DLGAP2: variants seen among roughly 807,000 people sequenced by gnomAD.
DLGAP2 encodes the protein disks large-associated protein 2.
DLGAP2 carries 26 observed loss-of-function variants against 100.3 expected under a neutral mutation model. The observed-to-expected ratio is 0.26, with a 90% CI of 0.19 to 0.36. The LOEUF is 0.36. Among genes scored for constraint, DLGAP2 ranks in the 10% least tolerant of loss-of-function variants. The pLI is 1.00. For synonymous variants in DLGAP2, 886 were observed against 630.1 expected (o/e 1.41, Z -6.08); for missense variants, 1,858 against 1,453.2 (o/e 1.28, Z -4.53).
At chr8:748,342 T>C (rs1820703410) in intron 1 of DLGAP2, among the ~76,000 whole-genome samples, 1 of 151,894 alleles carries the variant, frequency 6.6e-6, no homozygotes, top group African/African-American at 2.4e-5. Context: ...TCTGGTGCTT[T>C]CTGTCTCTGT....
intron 2 of DLGAP2, among the ~76,000 whole-genome samples, chr8:1,257,531 G>T (rs1280290270): frequency 7.4e-6 from 1 of 135,498 alleles, no homozygotes; most frequent in Non-Finnish European, 1.6e-5. Flanking sequence ...TCGCTCCCCA[G>T]ATTACTATTT....
At chr8:1,413,936 A>G (rs1796804925) in intron 3 of DLGAP2, among the ~76,000 whole-genome samples, 2 of 152,134 alleles carry the variant, frequency 1.3e-5, no homozygotes, top group African/African-American at 4.8e-5. Flanking sequence ...AGAGCTCCAA[A>G]CTCATCGTAA....
At chr8:1,593,640 C>T (rs757792473) in intron 6 of DLGAP2, among the ~76,000 whole-genome samples, 1 of 152,056 alleles carries the variant, frequency 6.6e-6, no homozygotes, top group South Asian at 2.1e-4. Flanking sequence ...CTACCTTCTC[C>T]CAGGGGAGGG....
intron 1 of DLGAP2, among the ~76,000 whole-genome samples, chr8:745,099 T>A (rs1456495550): frequency 6.6e-6 from 1 of 152,242 alleles, no homozygotes; most frequent in East Asian, 1.9e-4. Context: ...CTTCTCCCGC[T>A]GCTTCCGAGT....
intron 3 of DLGAP2, among the ~76,000 whole-genome samples, chr8:1,412,871 GC>G (rs33947536): frequency 0.29 from 43,886 of 151,984 alleles, 6,665 homozygotes; most frequent in African/African-American, 0.38. Flanking sequence ...AGATTACAGT[GC>G]CTCTCGCATG....
chr8:1,257,691 A>T (rs1438365233), intron 2 of DLGAP2, among the ~76,000 whole-genome samples: 1 of 151,276 alleles, frequency 6.6e-6, no homozygotes, highest in South Asian at 2.1e-4. Flanking sequence ...CGTGCAGGCC[A>T]GTGCTGGCGT....
chr8:1,488,301 C>T (rs770778324), intron 3 of DLGAP2, among the ~76,000 whole-genome samples: 36 of 152,262 alleles, frequency 2.4e-4, no homozygotes, highest in Middle Eastern at 3.4e-3. Flanking sequence ...AGCAGGAGGA[C>T]GCAGCGGGGT....
chr8:1,694,452 C>T (rs1449879615), intron 13 of DLGAP2, among the ~76,000 whole-genome samples: 5 of 152,214 alleles, frequency 3.3e-5, no homozygotes, highest in Admixed American at 1.3e-4. Flanking sequence ...CCTTTCGGGA[C>T]GGACCGCGGG....
At chr8:1,693,482 C>A (rs771507774) in intron 13 of DLGAP2, among the ~76,000 whole-genome samples, 1 of 152,054 alleles carries the variant, frequency 6.6e-6, no homozygotes, top group Non-Finnish European at 1.5e-5. Context: ...ATAATACATA[C>A]ATCGATTTCT....
intron 1 of DLGAP2, among the ~76,000 whole-genome samples, chr8:758,831 G>C (rs562890201): frequency 6.6e-6 from 1 of 152,084 alleles, no homozygotes; most frequent in Admixed American, 6.5e-5. Context: ...GAAGTGCTGA[G>C]ATTACAGATG....
chr8:932,912 T>C (rs1008113337), intron 2 of DLGAP2, among the ~76,000 whole-genome samples: 2 of 152,138 alleles, frequency 1.3e-5, no homozygotes, highest in Non-Finnish European at 2.9e-5. Flanking sequence ...AAACATAACT[T>C]CCCCCTTTCC....
intron 3 of DLGAP2, among the ~76,000 whole-genome samples, chr8:1,351,332 TCCTGAGTGTGGAACGGCCGTGC>T (rs1333720024): frequency 1.7e-5 from 1 of 59,030 alleles, no homozygotes; most frequent in Non-Finnish European, 3.3e-5. Context: ...GCCGTGCGGG[TCCTGAGTGTGGAACGGCCGTGC>T]GGGTCCTGAC....
rs148937541 is a variant in DLGAP2, at chr8:1,533,681, A to G, written c.173-14945A>G. On this transcript the variant is annotated intron_variant, in intron 4 of 14. Transcript: ENST00000637795. ...CTGAGTTTCTGTCATCTTAAAACTT[A>G]AAATTAACTTAATTTTCATAAAACT... 2.2e-4 allele frequency among the ~76,000 whole-genome samples: 34 copies of G among 152,350 alleles called. 1 individual carries two copies. The highest frequency in any genetic ancestry group is 5.9e-5 in the Non-Finnish European group (4 of 68,030).
intron 2 of DLGAP2, among the ~76,000 whole-genome samples, chr8:930,133 G>C (rs1227660492): frequency 6.6e-6 from 1 of 152,104 alleles, no homozygotes. Context: ...TGGCGACCCT[G>C]GCCTCTCCTT....
intron 1 of DLGAP2, among the ~76,000 whole-genome samples, chr8:845,972 C>T (rs752886179): frequency 6.6e-6 from 1 of 152,148 alleles, no homozygotes; most frequent in African/African-American, 2.4e-5. Context: ...TGTCCAGAGA[C>T]GTATGAGTTT....
At position 1,185,740 on chromosome 8, in the gene DLGAP2, C is replaced by CAG. The variant is rs1318296890; in HGVS notation, c.74-73110_74-73109insGA. On this transcript the variant is annotated intron_variant, in intron 2 of 14. Coordinates refer to ENST00000637795, the MANE Select transcript of DLGAP2 (RefSeq NM_001346810.2). The stretch of plus-strand genomic sequence containing the variant: ...ACACACACACACTCACACTCACACA[C>CAG]ACACACTCACACACATTCAGGAGAT... 5.7e-5 allele frequency among the ~76,000 whole-genome samples: 6 copies of CAG among 105,304 alleles called. No homozygotes were observed. In the East Asian group the frequency reaches 2.3e-3, roughly 40 times the overall value. The allele number at this position is 105,304 out of a possible 152,430, so 69.1% of individuals were successfully genotyped here.
At chr8:1,121,619 A>G (rs1353133838) in intron 2 of DLGAP2, among the ~76,000 whole-genome samples, 1 of 151,656 alleles carries the variant, frequency 6.6e-6, no homozygotes, top group Non-Finnish European at 1.5e-5. Context: ...ATGACTACCC[A>G]TCTTCATCCC....
At chr8:1,441,282 G>T (rs543506790) in intron 3 of DLGAP2, among the ~76,000 whole-genome samples, 8 of 152,168 alleles carry the variant, frequency 5.3e-5, no homozygotes, top group Non-Finnish European at 1.0e-4. Flanking sequence ...TTTTAAAATT[G>T]CATAAAATTA....
At chr8:844,567 A>G (rs1180413927) in intron 1 of DLGAP2, among the ~76,000 whole-genome samples, 1 of 152,166 alleles carries the variant, frequency 6.6e-6, no homozygotes, top group Non-Finnish European at 1.5e-5. Context: ...CTGGTAGACT[A>G]CGGTCTCTCT....
Sources: gnomAD v4.1 joint callset for allele counts (sites outside exome capture counted in the v4.1 genomes callset) on GRCh38, gnomAD v4.1.1 for gene constraint, MANE v1.5 for transcripts, NCBI Gene and HGNC (gene_info 2026-07-23, HGNC 2026-07-21) for gene names.